Variants in GPC6 observed in about 807,000 individuals in gnomAD.
GPC6 encodes glypican 6.
Under a neutral mutation model 55.2 loss-of-function variants are expected in GPC6, and 14 were observed. That is an observed-to-expected ratio of 0.25 (90% CI 0.17 to 0.40). The LOEUF (loss-of-function observed/expected upper bound fraction) is 0.40, where lower values mean the gene tolerates loss of function less well. Ranked by LOEUF, GPC6 falls within the 10% of genes least tolerant of loss-of-function variation. GPC6 has a pLI of 1.00. For synonymous variants in GPC6, 278 were observed against 259.6 expected (o/e 1.07, Z -0.68); for missense variants, 641 against 708.5 (o/e 0.90, Z 1.08).
chr13:93,329,725 C>G, intron 1 of GPC6, among the ~76,000 whole-genome samples: 1 of 151,996 alleles, frequency 6.6e-6, no homozygotes, highest in Non-Finnish European at 1.5e-5. Flanking sequence ...TGAAACACCG[C>G]AAGCGTAAGT....
rs150977018 is a variant in GPC6 at position 93,285,582 on chromosome 13, A to G, written c.160+57966A>G. Among the ~76,000 whole-genome samples the G allele has an allele frequency of 7.6e-3, 1,093 of 144,234 alleles. 7 individuals carry two copies. The highest frequency in any genetic ancestry group is 0.012 in the Non-Finnish European group (782 of 66,132). 94.6% of individuals were successfully genotyped at this position (144,234 alleles called of 152,430 possible). A position where few individuals can be genotyped will look rare whatever the true frequency, so the allele number is the denominator to read the frequency against. ...TTTCCCCACCCAAAATTGAGAAATT[A>G]TTTTTCCTGGGATGTATGTGTATGT... On this transcript the variant is annotated intron_variant, in intron 1 of 8. Transcript: ENST00000377047.
chr13:94,358,773 C>T (rs1412423387), intron 6 of GPC6, among the ~76,000 whole-genome samples: 1 of 152,178 alleles, frequency 6.6e-6, no homozygotes, highest in Non-Finnish European at 1.5e-5. Context: ...AGCTCTTTTC[C>T]TTGTAAAGAT....
chr13:93,698,322 T>G (rs1882533655), intron 2 of GPC6, among the ~76,000 whole-genome samples: 1 of 152,094 alleles, frequency 6.6e-6, no homozygotes, highest in East Asian at 1.9e-4. Flanking sequence ...GCATTCTTCG[T>G]TGCAATGAAA....
chr13:93,602,563 A>G (rs1365574728), intron 2 of GPC6, among the ~76,000 whole-genome samples: 6 of 152,238 alleles, frequency 3.9e-5, no homozygotes, highest in Admixed American at 3.9e-4. Flanking sequence ...ATCTTAAATG[A>G]TTACTCATAT....
intron 3 of GPC6, among the ~76,000 whole-genome samples, chr13:93,897,947 A>C (rs1365265876): frequency 1.3e-5 from 2 of 152,150 alleles, no homozygotes; most frequent in African/African-American, 4.8e-5. Flanking sequence ...TATCATCTAA[A>C]ACTTTAGTAT....
chr13:93,457,874 C>A (rs1033285528), intron 1 of GPC6, among the ~76,000 whole-genome samples: 3 of 152,046 alleles, frequency 2.0e-5, no homozygotes, highest in Non-Finnish European at 4.4e-5. Context: ...GAAGTCTTGA[C>A]AAGATTTGTA....
intron 1 of GPC6, among the ~76,000 whole-genome samples, chr13:93,393,901 T>C (rs577014351): frequency 2.4e-4 from 37 of 152,184 alleles, no homozygotes; most frequent in Admixed American, 5.2e-4. Flanking sequence ...TCACTTTTTA[T>C]ATAGCAAGGC....
intron 4 of GPC6, among the ~76,000 whole-genome samples, chr13:94,222,687 T>C (rs1437831669): frequency 1.3e-5 from 2 of 152,146 alleles, no homozygotes; most frequent in African/African-American, 4.8e-5. Context: ...ATTATGTAAC[T>C]AGACTATGAA....
At chr13:93,300,184 T>C (rs1878626070) in intron 1 of GPC6, among the ~76,000 whole-genome samples, 1 of 152,072 alleles carries the variant, frequency 6.6e-6, no homozygotes, top group Non-Finnish European at 1.5e-5. Flanking sequence ...TCCAGGAAAA[T>C]ATGGTGAATA....
intron 2 of GPC6, among the ~76,000 whole-genome samples, chr13:93,546,871 A>G (rs1173833949): frequency 6.6e-6 from 1 of 152,222 alleles, no homozygotes; most frequent in Non-Finnish European, 1.5e-5. Flanking sequence ...AGAAAGAAAC[A>G]AGAAAGAAGC....
intron 2 of GPC6, among the ~76,000 whole-genome samples, chr13:93,706,382 A>G (rs9516272): frequency 0.2 from 30,216 of 151,836 alleles, 3,554 homozygotes; most frequent in Middle Eastern, 0.38. Flanking sequence ...TTATAATTGT[A>G]TATAGGCATT....
At chr13:93,256,792 G>T (rs1372486472) in intron 1 of GPC6, among the ~76,000 whole-genome samples, 2 of 152,124 alleles carry the variant, frequency 1.3e-5, no homozygotes, top group Non-Finnish European at 2.9e-5. Flanking sequence ...GGCCCTCAAG[G>T]AGCTTACTCT....
intron 1 of GPC6, among the ~76,000 whole-genome samples, chr13:93,503,889 A>G (rs1880612502): frequency 6.6e-6 from 1 of 152,170 alleles, no homozygotes; most frequent in South Asian, 2.1e-4. Context: ...TATTTAGACA[A>G]TATGAGATAT....
At chr13:93,641,459 CA>C (rs1879936075) in intron 2 of GPC6, among the ~76,000 whole-genome samples, 1 of 152,108 alleles carries the variant, frequency 6.6e-6, no homozygotes, top group Non-Finnish European at 1.5e-5. Context: ...ATGCTTAACA[CA>C]CGAAGATCTT....
At chr13:94,341,601 A>AC in intron 6 of GPC6, among the ~76,000 whole-genome samples, 1 of 152,172 alleles carries the variant, frequency 6.6e-6, no homozygotes, top group Non-Finnish European at 1.5e-5. Context: ...AAAAAAAAAA[A>AC]AGATTGTTAC....
At chr13:93,605,620 T>A (rs1878204664) in intron 2 of GPC6, among the ~76,000 whole-genome samples, 1 of 151,132 alleles carries the variant, frequency 6.6e-6, no homozygotes, top group Non-Finnish European at 1.5e-5. Flanking sequence ...GCAAATCACC[T>A]AAGGTCAGGA....
At chr13:93,625,354 T>TA (rs1879158007) in intron 2 of GPC6, among the ~76,000 whole-genome samples, 1 of 152,174 alleles carries the variant, frequency 6.6e-6, no homozygotes, top group South Asian at 2.1e-4. Flanking sequence ...AGAAAGTAAT[T>TA]AAACTGTGCT....
chr13:93,745,749 G>GT (rs1884376450), intron 2 of GPC6, among the ~76,000 whole-genome samples: 2 of 152,106 alleles, frequency 1.3e-5, no homozygotes, highest in Non-Finnish European at 2.9e-5. Flanking sequence ...TGGATATGAT[G>GT]TTTTTTGTTT....
intron 3 of GPC6, among the ~76,000 whole-genome samples, chr13:93,938,951 A>G (rs974040913): frequency 6.6e-6 from 1 of 151,968 alleles, no homozygotes; most frequent in African/African-American, 2.4e-5. Flanking sequence ...AAAATACAAA[A>G]TTTAGCTGTG....
Sources: allele counts gnomAD v4.1 joint callset (sites outside exome capture counted in the v4.1 genomes callset), GRCh38; gene constraint gnomAD v4.1.1; transcripts MANE v1.5; gene names NCBI Gene and HGNC (gene_info 2026-07-23, HGNC 2026-07-21).